Variants in MGAT5B observed in about 807,000 individuals in gnomAD.
MGAT5B encodes N-acetylglucosaminyl-transferase Vb.
MGAT5B carries 54 observed loss-of-function variants against 95.1 expected under a neutral mutation model. The ratio of observed to expected loss-of-function variants is 0.57; its 90% CI spans 0.46 to 0.71. MGAT5B has a LOEUF of 0.71. Ranked by LOEUF, MGAT5B falls within the 30% of genes least tolerant of loss-of-function variation. The pLI, the probability that MGAT5B is intolerant of heterozygous loss-of-function variation, is 0.00. For missense variants in MGAT5B, 935 were observed against 1,088.6 expected (o/e 0.86, Z 1.99); for synonymous variants, 464 against 451.0 (o/e 1.03, Z -0.36).
chr17:76,910,652 C>T (rs1968700804), intron 8 of MGAT5B, among the ~76,000 whole-genome samples: 1 of 152,274 alleles, frequency 6.6e-6, no homozygotes, highest in South Asian at 2.1e-4. Context: ...ACATGCATGT[C>T]CACACCCCAC....
chr17:76,878,944 G>A (rs1170634019), intron 2 of MGAT5B, among the ~76,000 whole-genome samples: 2 of 152,172 alleles, frequency 1.3e-5, no homozygotes, highest in Admixed American at 1.3e-4. Context: ...GAAGGACGGT[G>A]ACCTGCTCAC....
intron 8 of MGAT5B, among the ~76,000 whole-genome samples, chr17:76,920,727 C>T (rs1433137897): frequency 6.6e-6 from 1 of 152,154 alleles, no homozygotes; most frequent in Non-Finnish European, 1.5e-5. Flanking sequence ...CCCTCCTCTC[C>T]CGTGATGTCC....
At position 76,940,698 on chromosome 17, in the gene MGAT5B, C is replaced by T. The variant is rs779608489; in HGVS notation, c.1732-34C>T. The stretch of plus-strand genomic sequence containing the variant: ...TTTGTCCCTGTCCCACTGGCAGGCA[C>T]GGGGGGCATCTGCAATCTCTGTACC... On this transcript the variant is annotated intron_variant, in intron 14 of 17. Coordinates refer to ENST00000569840, the MANE Select transcript of MGAT5B (RefSeq NM_001199172.2). This position sits in a 1 kb window ranked among gnomAD's most constrained non-coding sequence, Gnocchi z 4.3. 41 of 1,607,926 alleles carry T rather than the reference C, an allele frequency of 2.5e-5. No homozygotes were observed. The highest frequency in any genetic ancestry group is 8.0e-5 in the African/African-American group (6 of 74,926).
chr17:76,939,029 G>GGGGTGTGTGTGT (rs1237086611), intron 13 of MGAT5B, among the ~76,000 whole-genome samples: 14 of 128,256 alleles, frequency 1.1e-4, no homozygotes, highest in South Asian at 2.7e-4. Context: ...GCATCTTGGG[G>GGGGTGTGTGTGT]GTGTGTGTGT....
chr17:76,908,870 G>A (rs539231254), intron 8 of MGAT5B, among the ~76,000 whole-genome samples: 1 of 150,142 alleles, frequency 6.7e-6, no homozygotes, highest in Non-Finnish European at 1.5e-5. Context: ...GCAGTGGTGC[G>A]ATCTCGGCTC....
intron 3 of MGAT5B, among the ~76,000 whole-genome samples, chr17:76,896,552 G>C (rs945407643): frequency 2.0e-5 from 3 of 152,188 alleles, no homozygotes; most frequent in Non-Finnish European, 4.4e-5. Flanking sequence ...AGCACCTCCT[G>C]TATGCTGAGT....
chr17:76,932,982 C>T (rs1001474175), intron 11 of MGAT5B, among the ~76,000 whole-genome samples: 1 of 152,244 alleles, frequency 6.6e-6, no homozygotes, highest in East Asian at 1.9e-4. Flanking sequence ...GCTTGTCTCC[C>T]GGACTCTCGT....
At chr17:76,934,191 T>C (rs1397999548) in intron 12 of MGAT5B, among the ~76,000 whole-genome samples, 13 of 152,228 alleles carry the variant, frequency 8.5e-5, no homozygotes, top group Non-Finnish European at 5.9e-5. Context: ...GAGAGCTTGC[T>C]ATGTGCCAGG....
At position 76,916,753 on chromosome 17, in the gene MGAT5B, C is replaced by T. The variant is rs1033501030; in HGVS notation, c.1026-8213C>T. ...GTGAATCTCAGGGGTCGTGGGTTCT[C>T]GAGAAGGGATGAGGGGACCAGTGTT... On this transcript the variant is annotated intron_variant, in intron 8 of 17. Transcript: ENST00000569840. The surrounding 1 kb of genome is among the most constrained non-coding windows in gnomAD (Gnocchi z 5.3). 5.3e-5 allele frequency among the ~76,000 whole-genome samples: 8 copies of T among 152,068 alleles called. No individual in the cohort carries two copies. Among genetic ancestry groups the T allele is most frequent in the East Asian group, 1.9e-4 (1 of 5,186 alleles).
chr17:76,941,429 G>A (rs1969860135), intron 15 of MGAT5B, among the ~76,000 whole-genome samples: 1 of 152,204 alleles, frequency 6.6e-6, no homozygotes, highest in African/African-American at 2.4e-5. Context: ...ACATGTTTGT[G>A]GCTTTTGATC....
intron 8 of MGAT5B, among the ~76,000 whole-genome samples, chr17:76,909,465 T>TC (rs1420973828): frequency 1.3e-5 from 2 of 152,158 alleles, no homozygotes; most frequent in Non-Finnish European, 2.9e-5. Context: ...TCCTTGTGAG[T>TC]CCCCACCAGA....
In MGAT5B at chr17:76,914,086, G is replaced by A. The variant is rs1035442437; in HGVS notation, c.1025+7899G>A. 5.1e-5 allele frequency: 6 copies of A among 116,520 alleles called. No individual in the cohort carries two copies. Among genetic ancestry groups the A allele is most frequent in the Admixed American group, 4.1e-4 (5 of 12,222 alleles). The allele number at this position is 116,520 out of a possible 1,614,324, so 7.2% of individuals were successfully genotyped here. A position where few individuals can be genotyped will look rare whatever the true frequency, so the allele number is the denominator to read the frequency against. On this transcript the variant is annotated intron_variant, in intron 8 of 17. Transcript: ENST00000569840. The surrounding 1 kb of genome is among the most constrained non-coding windows in gnomAD (Gnocchi z 5.1). The stretch of plus-strand genomic sequence containing the variant: ...ACTGCACTCTAGCTTGGGTGACAAA[G>A]CAAGACTGTCTCAAAAAAAAAAGAG...
intron 16 of MGAT5B, among the ~76,000 whole-genome samples, chr17:76,947,048 C>T (rs1256879789): frequency 2.0e-5 from 3 of 152,238 alleles, no homozygotes; most frequent in African/African-American, 7.2e-5. Context: ...TGGCCCTCCA[C>T]TGCATCCTGG....
intron 3 of MGAT5B, among the ~76,000 whole-genome samples, chr17:76,901,471 G>T (rs1306650433): frequency 6.6e-6 from 1 of 151,680 alleles, no homozygotes; most frequent in Non-Finnish European, 1.5e-5. Context: ...GAGAAGATCT[G>T]CCAGCTGAGG....
In MGAT5B at chr17:76,946,459, G is replaced by A; in HGVS notation, c.1923+9G>A. On this transcript the variant is annotated intron_variant, in intron 16 of 17. Coordinates refer to ENST00000569840, the MANE Select transcript of MGAT5B (RefSeq NM_001199172.2). ...CCTACATCCAGCACCAGGTCAGTGA[G>A]CCCTCTGGTCCCTGCCCCAGATCCT... is the stretch of plus-strand genomic sequence containing the variant. 6.3e-7 allele frequency: 1 copy of A among 1,579,168 alleles called. No homozygotes were observed. The highest frequency in any genetic ancestry group is 8.6e-7 in the Non-Finnish European group (1 of 1,162,070).
chr17:76,868,951 GC>G lies in MGAT5B; in HGVS notation c.-76del. 6.9e-7 allele frequency: 1 copy of G among 1,440,150 alleles called. No individual in the cohort carries two copies. Among genetic ancestry groups the G allele is most frequent in the African/African-American group, 1.4e-5 (1 of 70,510 alleles). The allele number at this position is 1,440,150 out of a possible 1,614,324, so 89.2% of individuals were successfully genotyped here. On this transcript the variant is annotated 5_prime_UTR_variant, in exon 1 of 18. Coordinates refer to ENST00000569840, the MANE Select transcript of MGAT5B (RefSeq NM_001199172.2). The surrounding 1 kb of genome is among the most constrained non-coding windows in gnomAD (Gnocchi z 6.3). ...GGCTTCGGCCCGCAGAGGGTTCGTG[GC>G]CCGGACGCGGCGAGAGCTGGGCCCA...
Position 76,948,689 on chromosome 17 carries a change from C to A in MGAT5B, c.2230C>A (p.Pro744Thr). The change falls in exon 18 of 18, where the codon CCG becomes ACG. Residue 744 changes from proline to threonine, a missense_variant. Pro to Thr is a conservative substitution (Grantham distance 38). Transcript: ENST00000569840. Reference protein sequence around the residue: ...STESEMNHLYPAFAQPGQECY... With the variant: ...STESEMNHLYTAFAQPGQECY... ...CGAGTCGGAGATGAACCACCTGTAC[C>A]CGGCGTTCGCCCAGCCTGGCCAGGA... is the stretch of plus-strand genomic sequence containing the variant. 1 of 1,613,438 alleles carries A rather than the reference C, an allele frequency of 6.2e-7. No homozygotes were observed. Among genetic ancestry groups the A allele is most frequent in the Non-Finnish European group, 8.5e-7 (1 of 1,179,846 alleles).
intron 17 of MGAT5B, among the ~76,000 whole-genome samples, 177 bp from the exon 18 acceptor site, chr17:76,948,463 T>C (rs966275978): frequency 1.3e-5 from 2 of 151,420 alleles, no homozygotes; most frequent in Non-Finnish European, 2.9e-5. Flanking sequence ...TCTCCAGGGG[T>C]CCCTTGGACA....
chr17:76,872,821 C>T, intron 1 of MGAT5B, 30 bp from the exon 2 acceptor site: 1 of 1,614,206 alleles, frequency 6.2e-7, no homozygotes, highest in Non-Finnish European at 8.5e-7. Context: ...CCCTTCCTGC[C>T]CTCCTGACCC....
Sources: allele counts gnomAD v4.1 joint callset (sites outside exome capture counted in the v4.1 genomes callset), GRCh38; gene constraint gnomAD v4.1.1; non-coding constraint Gnocchi (gnomAD v3.1); transcripts MANE v1.5; gene names NCBI Gene and HGNC (gene_info 2026-07-23, HGNC 2026-07-21).